CACNA1B: variants seen among roughly 807,000 people sequenced by gnomAD.
The protein encoded by CACNA1B is calcium voltage-gated channel subunit alpha1 B.
A neutral mutation model predicts 247.2 loss-of-function variants in CACNA1B; 70 were observed. The observed-to-expected ratio is 0.28, with a 90% confidence interval of 0.23 to 0.35. CACNA1B has a LOEUF of 0.35. CACNA1B is among the 10% of genes least tolerant of loss of function. The pLI, the probability that CACNA1B is intolerant of heterozygous loss-of-function variation, is 1.00. For missense variants in CACNA1B, 2,367 were observed against 3,197.4 expected (o/e 0.74, Z 6.26); for synonymous variants, 1,231 against 1,294.4 (o/e 0.95, Z 1.05).
intron 36 of CACNA1B, among the ~76,000 whole-genome samples, chr9:138,085,507 T>C (rs868053953): frequency 6.6e-6 from 1 of 151,074 alleles, no homozygotes; most frequent in Non-Finnish European, 1.5e-5. Context: ...TGGGGAGAGA[T>C]GTGGACATCC....
intron 26 of CACNA1B, among the ~76,000 whole-genome samples, chr9:138,056,311 C>T (rs1035602926): frequency 6.6e-6 from 1 of 152,228 alleles, no homozygotes; most frequent in African/African-American, 2.4e-5. Flanking sequence ...GTTCTGGACA[C>T]TTTTTGTAAA....
rs751109396 is a variant in CACNA1B at position 138,073,954 on chromosome 9, G to A, written c.4792-47G>A. On this transcript the variant is annotated intron_variant, in intron 33 of 46. Transcript: ENST00000371372. This position sits in a 1 kb window ranked among gnomAD's most constrained non-coding sequence, Gnocchi z 6.4. ...AGCCACCGTAGCAGGAGGCCTGGGC[G>A]TGGTGGCTGGGAGGTGCCTGTAGCT... The A allele has an allele frequency of 6.6e-6, 10 of 1,503,840 alleles. No homozygotes were observed. The highest frequency in any genetic ancestry group is 3.4e-5 in the South Asian group (3 of 88,956). The allele number at this position is 1,503,840 out of a possible 1,614,324, so 93.2% of individuals were successfully genotyped here. A position where few individuals can be genotyped will look rare whatever the true frequency, so the allele number is the denominator to read the frequency against.
chr9:138,110,978 TAAAA>T (rs35447490), intron 39 of CACNA1B, among the ~76,000 whole-genome samples: 1 of 143,896 alleles, frequency 6.9e-6, no homozygotes, highest in African/African-American at 2.6e-5. Context: ...ATCCAGAATT[TAAAA>T]AAAAAAAAAC....
In CACNA1B at chr9:138,120,742, C is replaced by G; in HGVS notation, c.6350C>G (p.Pro2117Arg). 1.9e-6 allele frequency: 3 copies of G among 1,546,302 alleles called. No individual in the cohort carries two copies. Among genetic ancestry groups the G allele is most frequent in the Non-Finnish European group, 2.6e-6 (3 of 1,146,376 alleles). The change falls in exon 46 of 47, where the codon CCC becomes CGC. Residue 2117 changes from proline to arginine, a missense_variant. Coordinates refer to ENST00000371372, the MANE Select transcript of CACNA1B (RefSeq NM_000718.4). ...GGCCGGTCCCAGGAGCGGAGGCAGC[C>G]CTCATCCTCCTCCTCGGAGAAGCAG... is the stretch of plus-strand genomic sequence containing the variant. ...ERGRSQERRQ[P>R]SSSSSEKQRF...
chr9:138,041,884 C>T (rs1011639290), intron 20 of CACNA1B, among the ~76,000 whole-genome samples: 2 of 152,074 alleles, frequency 1.3e-5, no homozygotes, highest in Admixed American at 6.5e-5. Context: ...CCTCTGGAGT[C>T]GCTGGAACTG....
chr9:138,123,110 A>G lies in CACNA1B; in HGVS notation c.*1111A>G, dbSNP rs9410163. 0.065 allele frequency: 9,926 copies of G among 152,394 alleles called. 811 individuals are homozygous for G. The highest frequency in any genetic ancestry group is 0.19 in the African/African-American group (7,978 of 41,568). The allele number at this position is 152,394 out of a possible 1,614,324, so 9.4% of individuals were successfully genotyped here. A position where few individuals can be genotyped will look rare whatever the true frequency, so the allele number is the denominator to read the frequency against. On this transcript the variant is annotated 3_prime_UTR_variant, in exon 47 of 47. Transcript: ENST00000371372. Reference sequence around the variant, plus strand: ...TGATTCTCAGGGCACACTCTGTGGTATGTGAAATAGGTTTCCTTCCACATA... The same window carrying G: ...TGATTCTCAGGGCACACTCTGTGGTGTGTGAAATAGGTTTCCTTCCACATA...
chr9:138,029,282 G>T (rs1160998625), intron 20 of CACNA1B, among the ~76,000 whole-genome samples: 2 of 152,120 alleles, frequency 1.3e-5, no homozygotes, highest in South Asian at 4.1e-4. Context: ...TGTGCTCAAG[G>T]GTAGCTCATG....
intron 15 of CACNA1B, among the ~76,000 whole-genome samples, chr9:138,002,404 T>C (rs1958588274): frequency 6.6e-6 from 1 of 152,080 alleles, no homozygotes; most frequent in Non-Finnish European, 1.5e-5. Context: ...GAAAATGATT[T>C]AAAGATGATT....
intron 15 of CACNA1B, among the ~76,000 whole-genome samples, chr9:138,001,508 T>C (rs1260844820): frequency 6.6e-6 from 1 of 152,020 alleles, no homozygotes; most frequent in African/African-American, 2.4e-5. Context: ...TCATAGATAA[T>C]AGTAAAAGAT....
chr9:138,074,131 T>C, intron 34 of CACNA1B, 65 bp downstream of exon 34: 1 of 1,053,442 alleles, frequency 9.5e-7, no homozygotes, highest in Non-Finnish European at 1.5e-6. Flanking sequence ...AGAGGGGCAC[T>C]GATCATGATT....
At chr9:138,078,421 C>T in intron 36 of CACNA1B, among the ~76,000 whole-genome samples, 163 bp downstream of exon 36, 1 of 152,198 alleles carries the variant, frequency 6.6e-6, no homozygotes, top group Non-Finnish European at 1.5e-5. Context: ...ACTTTGTTAG[C>T]CAGAGAAAGG....
rs1404797236 is a variant in CACNA1B at position 138,095,979 on chromosome 9, G to A, written c.5095-505G>A. ...GATTGGGGTGGTGATTACCCAATGT[G>A]TATGAGGTATTCTTCGGGAACGACG... On this transcript the variant is annotated intron_variant, in intron 36 of 46. Transcript: ENST00000371372. 6.6e-5 allele frequency among the ~76,000 whole-genome samples: 10 copies of A among 152,246 alleles called. No individual in the cohort carries two copies. The East Asian group carries it at 1.7e-3, about 27-fold the overall frequency.
intron 10 of CACNA1B, among the ~76,000 whole-genome samples, chr9:137,968,180 C>T (rs1442539115): frequency 1.3e-5 from 2 of 152,192 alleles, no homozygotes; most frequent in African/African-American, 4.8e-5. Context: ...ACCCACTGGC[C>T]TCCACTGTTG....
At chr9:138,025,276 C>A (rs993427702) in intron 20 of CACNA1B, 104 bp downstream of exon 20, 1 of 721,832 alleles carries the variant, frequency 1.4e-6, no homozygotes, top group Non-Finnish European at 2.4e-6. Flanking sequence ...CAGCCTACCT[C>A]TGTGAATTGT....
intron 32 of CACNA1B, among the ~76,000 whole-genome samples, chr9:138,071,030 T>C (rs1451824823): frequency 6.6e-6 from 1 of 152,262 alleles, no homozygotes; most frequent in East Asian, 1.9e-4. Flanking sequence ...GTGGTGGTCT[T>C]GGATACAGGG....
At chr9:137,897,634 A>G (rs1957187087) in intron 3 of CACNA1B, among the ~76,000 whole-genome samples, 1 of 152,204 alleles carries the variant, frequency 6.6e-6, no homozygotes, top group Non-Finnish European at 1.5e-5. Flanking sequence ...TTAACTGTAT[A>G]CTACACATTT....
chr9:138,121,955 G>A lies in CACNA1B; in HGVS notation c.6976G>A (p.Ala2326Thr), dbSNP rs369460375. 18 of 1,603,528 alleles carry A rather than the reference G, an allele frequency of 1.1e-5. No homozygotes were observed. The African/African-American group carries it at 2.1e-4, about 19-fold the overall frequency. The change falls in exon 47 of 47, where the codon GCA (alanine) becomes ACA (threonine). Residue 2326 changes from alanine (A) to threonine (T), a missense_variant. Ala to Thr is a moderately conservative substitution (Grantham distance 58, BLOSUM62 0). Around this residue, in one of 12 missense-constraint regions of CACNA1B, gnomAD observed 773 missense variants for 779.4 expected, o/e 0.99. Transcript: ENST00000371372. This position sits in a 1 kb window ranked among gnomAD's most constrained non-coding sequence, Gnocchi z 6.8. ...CTLGLSSGGRARHSYHHPDQD... is the reference protein window; with the variant it reads ...CTLGLSSGGRTRHSYHHPDQD... ...CCTGGGACTCAGCTCGGGTGGCCGA[G>A]CACGGCACAGCTACCACCACCCTGA...
rs1241142393 is a variant in CACNA1B, at chr9:137,952,460, G to C, written c.1070+83G>C. ...AACAGGGGCACGTGTGACACTTGGG[G>C]TGGGGGCCTGGCCCATGGGTGCCCT... On this transcript the variant is annotated intron_variant, in intron 7 of 46. Coordinates refer to ENST00000371372, the MANE Select transcript of CACNA1B (RefSeq NM_000718.4). This position sits in a 1 kb window ranked among gnomAD's most constrained non-coding sequence, Gnocchi z 4.8. 3 of 1,177,980 alleles carry C rather than the reference G, an allele frequency of 2.5e-6. No individual in the cohort carries two copies. Among genetic ancestry groups the C allele is most frequent in the Admixed American group, 3.5e-5 (2 of 56,772 alleles). The allele number at this position is 1,177,980 out of a possible 1,614,324, so 73.0% of individuals were successfully genotyped here. A position where few individuals can be genotyped will look rare whatever the true frequency, so the allele number is the denominator to read the frequency against.
intron 37 of CACNA1B, among the ~76,000 whole-genome samples, chr9:138,099,761 G>T (rs1961192112): frequency 6.6e-6 from 1 of 152,224 alleles, no homozygotes; most frequent in Admixed American, 6.5e-5. Flanking sequence ...TGTGTCGGTG[G>T]ATTCTGAAGG....
Sources: allele counts gnomAD v4.1 joint callset (sites outside exome capture counted in the v4.1 genomes callset), GRCh38; gene constraint gnomAD v4.1.1; regional missense constraint gnomAD v4.1.1; non-coding constraint Gnocchi (gnomAD v3.1); transcripts MANE v1.5; gene names NCBI Gene and HGNC (gene_info 2026-07-23, HGNC 2026-07-21).